The following TMEM150B variants were observed in gnomAD, a reference collection of about 807,000 sequenced individuals.
The protein encoded by TMEM150B is modulator of macroautophagy TMEM150B.
Under a neutral mutation model 25.2 loss-of-function variants are expected in TMEM150B, and 33 were observed. That is an observed-to-expected ratio of 1.31 (90% CI 0.99 to 1.75). The LOEUF (loss-of-function observed/expected upper bound fraction) is 1.75. Among genes scored for constraint, TMEM150B ranks in the 40% most tolerant of loss-of-function variants. TMEM150B has a pLI of 0.00. For missense variants in TMEM150B, 322 were observed against 306.1 expected, an observed-to-expected ratio of 1.05 and a Z score of -0.39; for synonymous variants, 133 against 134.8, an observed-to-expected ratio of 0.99 and a Z score of 0.09.
At chr19:55,318,785 T>C (rs2123097074) in intron 6 of TMEM150B, among the ~76,000 whole-genome samples, 2 of 152,300 alleles carry the variant, frequency 1.3e-5, no homozygotes, top group Middle Eastern at 6.8e-3. Context: ...GTGCCTAACA[T>C]GAAGAATGAG....
intron 6 of TMEM150B, among the ~76,000 whole-genome samples, chr19:55,318,490 G>T (rs1429229504): frequency 6.6e-6 from 1 of 152,046 alleles, no homozygotes; most frequent in African/African-American, 2.4e-5. Flanking sequence ...AAAAAATTTA[G>T]CCAGGCCTGG....
chr19:55,320,409 T>C lies in TMEM150B; in HGVS notation c.178A>G (p.Asn60Asp), dbSNP rs576958346. The change falls in exon 5 of 8, where the codon AAT (asparagine) becomes GAT (aspartate). Residue 60 changes from asparagine (N) to aspartate (D), a missense_variant. Transcript: ENST00000326652. ...TATTTACCCAGAGCAGCTCCCATAT[T>C]GAGCACCTGGCTGAAGATGCAGCTC... ...PQSCIFSQVL[N>D]MGAALAAWIC... 2.5e-6 allele frequency: 4 copies of C among 1,571,290 alleles called. No homozygotes were observed. Among genetic ancestry groups the C allele is most frequent in the African/African-American group, 1.4e-5 (1 of 73,736 alleles).
At chr19:55,315,760 C>CAA (rs1224362945) in intron 7 of TMEM150B, among the ~76,000 whole-genome samples, 5 of 81,876 alleles carry the variant, frequency 6.1e-5, no homozygotes, top group Non-Finnish European at 1.0e-4. Context: ...GACTCCGTCT[C>CAA]AAAAAAAAAA....
At chr19:55,319,898 T>G in intron 6 of TMEM150B, 141 bp downstream of exon 6, 2 of 1,468,942 alleles carry the variant, frequency 1.4e-6, no homozygotes, top group Non-Finnish European at 1.8e-6. Context: ...CCAAGGCCAC[T>G]GGCCAGAGAA....
At chr19:55,325,131 G>T in intron 1 of TMEM150B, 141 bp downstream of exon 1, 1 of 317,614 alleles carries the variant, frequency 3.1e-6, no homozygotes, top group Non-Finnish European at 4.6e-6. Flanking sequence ...ACCCAACTCG[G>T]TGTCCTGGCA....
chr19:55,317,379 C>T (rs1388994365), intron 6 of TMEM150B, among the ~76,000 whole-genome samples: 1 of 152,104 alleles, frequency 6.6e-6, no homozygotes, highest in East Asian at 1.9e-4. Context: ...GGTGCGGTGG[C>T]TCACATCTGT....
downstream of TMEM150B, among the ~76,000 whole-genome samples, chr19:55,311,532 G>A (rs981336045): frequency 3.9e-5 from 6 of 152,088 alleles, no homozygotes; most frequent in Admixed American, 1.3e-4. Context: ...GGAGAGAGTC[G>A]GGGGGCCCCT....
In TMEM150B at chr19:55,322,746, G is replaced by A; in HGVS notation, c.-153-3C>T. On this transcript the variant is annotated splice_region_variant and splice_polypyrimidine_tract_variant and intron_variant, in intron 1 of 7. Coordinates refer to ENST00000326652, the MANE Select transcript of TMEM150B (RefSeq NM_001282011.2). ...GGGGTGGGGCTCAGGCAGACATCCT[G>A]CAGAGGCAAAGTCCAGGCTGCAGGA... is the stretch of plus-strand genomic sequence containing the variant. 1.0e-6 allele frequency: 1 copy of A among 985,350 alleles called. No individual in the cohort carries two copies. The highest frequency in any genetic ancestry group is 1.2e-6 in the Non-Finnish European group (1 of 829,940). 61.0% of individuals were successfully genotyped at this position (985,350 alleles called of 1,614,324 possible).
downstream of TMEM150B, chr19:55,312,702 C>G: frequency 1.4e-6 from 1 of 706,356 alleles, no homozygotes; most frequent in Non-Finnish European, 2.2e-6. Flanking sequence ...AGGCCCTCCG[C>G]GCCGGCACAC....
downstream of TMEM150B, chr19:55,312,020 C>T (rs1160107930): frequency 2.6e-6 from 4 of 1,511,050 alleles, no homozygotes; most frequent in African/African-American, 1.4e-5. Flanking sequence ...GCCGAGGCCC[C>T]CCCAAGGACA....
At chr19:55,310,545 C>T (rs2088761826), downstream of TMEM150B, among the ~76,000 whole-genome samples, 1 of 152,100 alleles carries the variant, frequency 6.6e-6, no homozygotes, top group African/African-American at 2.4e-5. The surrounding 1 kb of genome is among the most constrained non-coding windows in gnomAD (Gnocchi z 5.0). Flanking sequence ...TTCAGCCTAG[C>T]CCAACCCCCT....
At chr19:55,316,144 G>T (rs149304517) in intron 7 of TMEM150B, among the ~76,000 whole-genome samples, 289 of 152,138 alleles carry the variant, frequency 1.9e-3, no homozygotes, top group African/African-American at 6.7e-3. Context: ...CTGGTTGGTG[G>T]CATCTGCCAA....
chr19:55,324,065 C>T (rs1159917297), intron 1 of TMEM150B, among the ~76,000 whole-genome samples: 1 of 152,024 alleles, frequency 6.6e-6, no homozygotes, highest in Non-Finnish European at 1.5e-5. Flanking sequence ...GCCTCAGCCT[C>T]CCAAAGTGCT....
At chr19:55,321,644 A>G (rs1043017593) in intron 2 of TMEM150B, among the ~76,000 whole-genome samples, 24 of 152,048 alleles carry the variant, frequency 1.6e-4, no homozygotes, top group Non-Finnish European at 7.4e-5. Flanking sequence ...TGTGGGTTCA[A>G]CGTCCAAAGT....
chr19:55,318,755 C>T (rs546025264), intron 6 of TMEM150B, among the ~76,000 whole-genome samples: 9 of 152,302 alleles, frequency 5.9e-5, no homozygotes, highest in Non-Finnish European at 1.2e-4. Flanking sequence ...CTGCCAATGG[C>T]TGCCAAATGC....
chr19:55,320,543 C>G lies in TMEM150B; in HGVS notation c.128+15G>C. On this transcript the variant is annotated intron_variant, in intron 4 of 7. Coordinates refer to ENST00000326652, the MANE Select transcript of TMEM150B (RefSeq NM_001282011.2). ...GCGGCGATCCCCCCAAATCCCTACC[C>G]TCGGGCAGAATTACCTGATGTAGGG... 1.2e-6 allele frequency: 2 copies of G among 1,613,974 alleles called. No individual in the cohort carries two copies. Among genetic ancestry groups the G allele is most frequent in the Non-Finnish European group, 1.7e-6 (2 of 1,179,912 alleles).
In TMEM150B at chr19:55,315,375, C is replaced by T. The variant is rs148991654; in HGVS notation, c.505+1411G>A. ...GGCCGGGCATGGTGGCTCATGCCTGCAATCCCAGAACTTTGGGAGGCCAAG... is the reference window on the plus strand; with the variant it reads ...GGCCGGGCATGGTGGCTCATGCCTGTAATCCCAGAACTTTGGGAGGCCAAG... On this transcript the variant is annotated intron_variant, in intron 7 of 7. Transcript: ENST00000326652. Among the ~76,000 whole-genome samples, 972 of 149,810 alleles carry T rather than the reference C, an allele frequency of 6.5e-3. 5 individuals carry two copies. The highest frequency in any genetic ancestry group is 0.022 in the African/African-American group (897 of 40,708).
chr19:55,316,280 A>G (rs2088994529), intron 7 of TMEM150B, among the ~76,000 whole-genome samples: 1 of 152,150 alleles, frequency 6.6e-6, no homozygotes, highest in South Asian at 2.1e-4. Flanking sequence ...CCTGCAGCCT[A>G]TCACCAGCTC....
At chr19:55,313,409 G>T (rs1270453087) in intron 7 of TMEM150B, among the ~76,000 whole-genome samples, 1 of 151,838 alleles carries the variant, frequency 6.6e-6, no homozygotes, top group Non-Finnish European at 1.5e-5. Context: ...AACATGCATG[G>T]TTTCCTAAAT....
Sources: gnomAD v4.1 joint callset for allele counts (sites outside exome capture counted in the v4.1 genomes callset) on GRCh38, gnomAD v4.1.1 for gene constraint, Gnocchi (gnomAD v3.1) non-coding constraint, MANE v1.5 for transcripts, NCBI Gene and HGNC (gene_info 2026-07-23, HGNC 2026-07-21) for gene names.